The following AGBL1 variants were observed in gnomAD, a reference collection of about 807,000 sequenced individuals.
AGBL1 encodes cytosolic carboxypeptidase 4.
AGBL1 carries 130 observed loss-of-function variants against 118.9 expected under a neutral mutation model. That is an observed-to-expected ratio of 1.09 (90% CI 0.95 to 1.26). The LOEUF is 1.26. Among genes scored for constraint, AGBL1 ranks in the 50% most tolerant of loss-of-function variants. AGBL1 has a pLI of 0.00. For synonymous variants in AGBL1, 555 were observed against 478.9 expected (o/e 1.16, Z -2.08); for missense variants, 1,584 against 1,298.1 (o/e 1.22, Z -3.38).
chr15:86,184,223 T>C (rs764826081), intron 5 of AGBL1, among the ~76,000 whole-genome samples: 1 of 152,202 alleles, frequency 6.6e-6, no homozygotes, highest in African/African-American at 2.4e-5. Flanking sequence ...CAAATGTTCA[T>C]TCCAAGTAGC....
intron 22 of AGBL1, among the ~76,000 whole-genome samples, chr15:86,901,050 T>A (rs2080205154): frequency 6.6e-6 from 1 of 152,192 alleles, no homozygotes; most frequent in Non-Finnish European, 1.5e-5. Context: ...TTTCTCTTCA[T>A]ACCCCTGATC....
chr15:86,189,287 C>T (rs2077679813), intron 5 of AGBL1, among the ~76,000 whole-genome samples: 1 of 152,186 alleles, frequency 6.6e-6, no homozygotes, highest in South Asian at 2.1e-4. Flanking sequence ...GATGGACAGG[C>T]CCAAGCTGGT....
At chr15:86,974,026 A>G (rs1299242005) in intron 23 of AGBL1, among the ~76,000 whole-genome samples, 1 of 136,900 alleles carries the variant, frequency 7.3e-6, no homozygotes, top group Non-Finnish European at 1.5e-5. Flanking sequence ...AATATATTAA[A>G]TATAAACATA....
intron 22 of AGBL1, among the ~76,000 whole-genome samples, chr15:86,853,818 A>G (rs1207881830): frequency 6.6e-6 from 1 of 152,156 alleles, no homozygotes; most frequent in Non-Finnish European, 1.5e-5. Context: ...CCTGGGTTTT[A>G]CTCCCAACCC....
chr15:86,923,287 A>C (rs1376281067), intron 23 of AGBL1, among the ~76,000 whole-genome samples: 1 of 152,248 alleles, frequency 6.6e-6, no homozygotes, highest in East Asian at 1.9e-4. Context: ...ATGATGTATC[A>C]GCTTGACATT....
In AGBL1 at chr15:86,442,176, T is replaced by C. The variant is rs149987109; in HGVS notation, c.2555+44630T>C. ...ATGTGGTGTGTGGTATTCAGCTAGG[T>C]TTAAAGGCATATGGTCAGGTCAGAA... On this transcript the variant is annotated intron_variant, in intron 18 of 22. Transcript: ENST00000614907. Among the ~76,000 whole-genome samples, 614 of 152,286 alleles carry C rather than the reference T, an allele frequency of 4.0e-3. 4 individuals carry two copies. Among genetic ancestry groups the C allele is most frequent in the Middle Eastern group, 0.024 (7 of 294 alleles).
intron 6 of AGBL1, among the ~76,000 whole-genome samples, chr15:86,245,636 A>C (rs1292783936): frequency 3.3e-5 from 5 of 152,194 alleles, no homozygotes. Context: ...CCTCTGTTTT[A>C]AGTCCGTAAA....
intron 1 of AGBL1, among the ~76,000 whole-genome samples, chr15:86,095,682 C>G (rs1372446780): frequency 2.8e-5 from 3 of 108,554 alleles, no homozygotes; most frequent in Non-Finnish European, 5.2e-5. Context: ...TTTTACCTTA[C>G]AGCAATTCCC....
At chr15:86,730,812 CTATTT>C (rs898850960) in intron 22 of AGBL1, among the ~76,000 whole-genome samples, 41 of 151,992 alleles carry the variant, frequency 2.7e-4, no homozygotes, top group Admixed American at 2.0e-3. Context: ...AGATTTGTAC[CTATTT>C]TATTTTATTT....
At chr15:86,750,960 G>C (rs1396064692) in intron 22 of AGBL1, among the ~76,000 whole-genome samples, 1 of 152,010 alleles carries the variant, frequency 6.6e-6, no homozygotes. Flanking sequence ...TCCCTGTAAA[G>C]GACATGATCT....
intron 22 of AGBL1, among the ~76,000 whole-genome samples, chr15:86,835,262 C>T (rs1422366725): frequency 6.6e-6 from 1 of 151,598 alleles, no homozygotes; most frequent in Non-Finnish European, 1.5e-5. Flanking sequence ...CTAGATCAGC[C>T]TGGCTTAAAA....
intron 21 of AGBL1, among the ~76,000 whole-genome samples, chr15:86,654,264 G>A (rs767528254): frequency 6.6e-6 from 1 of 152,098 alleles, no homozygotes; most frequent in Non-Finnish European, 1.5e-5. Flanking sequence ...CTAGAGCTCT[G>A]CCAAGTTGTT....
At chr15:87,012,327 C>T (rs1034475025) in intron 24 of AGBL1, among the ~76,000 whole-genome samples, 1 of 147,864 alleles carries the variant, frequency 6.8e-6, no homozygotes, top group Non-Finnish European at 1.5e-5. Context: ...TTTCTCATTT[C>T]CATATTTTTG....
chr15:86,128,341 AC>A (rs1567072292), intron 1 of AGBL1, among the ~76,000 whole-genome samples: 1 of 151,898 alleles, frequency 6.6e-6, no homozygotes, highest in East Asian at 1.9e-4. Flanking sequence ...GGGGGAAACC[AC>A]CCCCATGATT....
At chr15:86,304,507 A>G (rs182672452) in intron 17 of AGBL1, among the ~76,000 whole-genome samples, 1 of 152,108 alleles carries the variant, frequency 6.6e-6, no homozygotes, top group Non-Finnish European at 1.5e-5. Flanking sequence ...AGCACAGACT[A>G]TATGTTGTAT....
intron 22 of AGBL1, among the ~76,000 whole-genome samples, chr15:86,818,270 T>A (rs1212573413): frequency 6.6e-6 from 1 of 152,172 alleles, no homozygotes; most frequent in Non-Finnish European, 1.5e-5. Context: ...GCAGAACTGT[T>A]CTGTGGCCTG....
intron 1 of AGBL1, among the ~76,000 whole-genome samples, chr15:86,104,831 A>T (rs1896942235): frequency 6.6e-6 from 1 of 152,064 alleles, no homozygotes. Flanking sequence ...CCCTCTCTGG[A>T]GTAATGCCAG....
intron 23 of AGBL1, among the ~76,000 whole-genome samples, chr15:86,940,204 G>C: frequency 6.6e-6 from 1 of 151,290 alleles, no homozygotes; most frequent in East Asian, 1.9e-4. Flanking sequence ...GCCCGGTTGA[G>C]TGCACTGTTT....
intron 24 of AGBL1, among the ~76,000 whole-genome samples, chr15:86,994,270 A>G (rs1477580251): frequency 1.3e-5 from 2 of 151,960 alleles, no homozygotes; most frequent in Non-Finnish European, 2.9e-5. Context: ...CACTTGAACA[A>G]CTTTGAAAAG....
Sources: gnomAD v4.1 joint callset for allele counts (sites outside exome capture counted in the v4.1 genomes callset) on GRCh38, gnomAD v4.1.1 for gene constraint, MANE v1.5 for transcripts, NCBI Gene and HGNC (gene_info 2026-07-23, HGNC 2026-07-21) for gene names.